ADAMTS6: variants seen among roughly 807,000 people sequenced by gnomAD.
ADAMTS6 encodes ADAM metallopeptidase with thrombospondin type 1 motif 6.
Under a neutral mutation model 144.3 loss-of-function variants are expected in ADAMTS6, and 23 were observed. The observed-to-expected ratio is 0.16, with a 90% CI of 0.11 to 0.23. The LOEUF is 0.23. Among genes scored for constraint, ADAMTS6 ranks in the 10% least tolerant of loss-of-function variants. ADAMTS6 has a pLI of 1.00. For missense variants in ADAMTS6, 999 were observed against 1,379.6 expected, an observed-to-expected ratio of 0.72 and a Z score of 4.37; for synonymous variants, 444 against 457.5, an observed-to-expected ratio of 0.97 and a Z score of 0.38.
chr5:65,443,349 T>A (rs1174894528), intron 7 of ADAMTS6, among the ~76,000 whole-genome samples: 1 of 152,068 alleles, frequency 6.6e-6, no homozygotes, highest in Admixed American at 6.6e-5. Flanking sequence ...CCAGGCACAG[T>A]GTGGCTCATG....
At chr5:65,172,196 C>T (rs1446633665) in intron 23 of ADAMTS6, among the ~76,000 whole-genome samples, 4 of 151,130 alleles carry the variant, frequency 2.6e-5, no homozygotes, top group East Asian at 3.9e-4. Flanking sequence ...GGGCGGATCA[C>T]GAGGTCAGGA....
intron 22 of ADAMTS6, 55 bp downstream of exon 22, chr5:65,187,961 G>C: frequency 6.4e-7 from 1 of 1,571,650 alleles, no homozygotes; most frequent in African/African-American, 1.3e-5. Context: ...AACTGCTTTA[G>C]GATAGATAGT....
chr5:65,183,063 T>C (rs1015070986), intron 22 of ADAMTS6, among the ~76,000 whole-genome samples: 30 of 152,338 alleles, frequency 2.0e-4, no homozygotes, highest in African/African-American at 6.3e-4. Context: ...GTTTAAAAAT[T>C]GCTTGTAAAA....
At chr5:65,446,256 A>G (rs901726212) in intron 7 of ADAMTS6, among the ~76,000 whole-genome samples, 1 of 152,218 alleles carries the variant, frequency 6.6e-6, no homozygotes, top group African/African-American at 2.4e-5. Flanking sequence ...TGATAAACAC[A>G]TTATTTAAAA....
At chr5:65,372,155 C>T (rs1751002640) in intron 7 of ADAMTS6, among the ~76,000 whole-genome samples, 1 of 144,792 alleles carries the variant, frequency 6.9e-6, no homozygotes, top group African/African-American at 2.8e-5. Flanking sequence ...CCGGTACCAG[C>T]CACTGCAAAA....
intron 3 of ADAMTS6, among the ~76,000 whole-genome samples, chr5:65,462,556 G>A (rs1411329739): frequency 1.3e-5 from 2 of 152,176 alleles, no homozygotes; most frequent in East Asian, 3.9e-4. Flanking sequence ...AACTGAGATG[G>A]AGCAACGTTA....
intron 9 of ADAMTS6, among the ~76,000 whole-genome samples, chr5:65,324,204 T>G (rs890715774): frequency 6.6e-6 from 1 of 152,194 alleles, no homozygotes; most frequent in Non-Finnish European, 1.5e-5. Context: ...ACCAACCAAC[T>G]TTTTAAAGCA....
intron 22 of ADAMTS6, among the ~76,000 whole-genome samples, chr5:65,181,152 T>C (rs1174984960): frequency 2.0e-5 from 3 of 152,246 alleles, no homozygotes; most frequent in Admixed American, 1.3e-4. Flanking sequence ...TGTCAGGCAC[T>C]GTACTATGTA....
At chr5:65,443,302 A>C (rs1385367642) in intron 7 of ADAMTS6, among the ~76,000 whole-genome samples, 1 of 152,156 alleles carries the variant, frequency 6.6e-6, no homozygotes, top group Non-Finnish European at 1.5e-5. Flanking sequence ...ATTGATGACC[A>C]AATTGAGTTC....
chr5:65,340,100 C>T (rs1246763173), intron 7 of ADAMTS6, among the ~76,000 whole-genome samples: 4 of 151,816 alleles, frequency 2.6e-5, no homozygotes, highest in African/African-American at 9.7e-5. Context: ...AAAGTCAAAG[C>T]AAAGAATTTT....
At chr5:65,316,793 G>A (rs1745043732) in intron 9 of ADAMTS6, among the ~76,000 whole-genome samples, 1 of 148,400 alleles carries the variant, frequency 6.7e-6, no homozygotes. Flanking sequence ...GATTCATCAA[G>A]AAGACATAAT....
intron 20 of ADAMTS6, among the ~76,000 whole-genome samples, chr5:65,203,970 T>C (rs1755910065): frequency 3.3e-5 from 5 of 152,192 alleles, no homozygotes; most frequent in Admixed American, 3.3e-4. Context: ...TGAATATGTA[T>C]CCAAACCCTG....
intron 7 of ADAMTS6, among the ~76,000 whole-genome samples, chr5:65,362,332 A>G (rs1019988652): frequency 6.6e-6 from 1 of 152,220 alleles, no homozygotes; most frequent in Admixed American, 6.5e-5. Context: ...CATATCGGCT[A>G]TCTCAACTTT....
intron 7 of ADAMTS6, among the ~76,000 whole-genome samples, chr5:65,343,212 C>T (rs1748015831): frequency 6.6e-6 from 1 of 151,982 alleles, no homozygotes; most frequent in African/African-American, 2.4e-5. Context: ...GTGTAAGAAA[C>T]CACAAAAGAC....
chr5:65,452,994 C>G, intron 4 of ADAMTS6, 76 bp from the exon 5 acceptor site: 1 of 1,123,868 alleles, frequency 8.9e-7, no homozygotes, highest in South Asian at 1.7e-5. Flanking sequence ...TGTAGACATG[C>G]TTCTCACAAA....
chr5:65,308,843 G>A (rs1297908142), intron 9 of ADAMTS6, among the ~76,000 whole-genome samples: 3 of 152,154 alleles, frequency 2.0e-5, no homozygotes, highest in African/African-American at 4.8e-5. Flanking sequence ...ATATAGGAAA[G>A]TAAAGAGTCA....
Position 65,150,619 on chromosome 5 carries a change from C to T in ADAMTS6, c.*1217G>A, listed in dbSNP as rs1244344045. 1 of 152,562 alleles carries T rather than the reference C, an allele frequency of 6.6e-6. No individual in the cohort carries two copies. The highest frequency in any genetic ancestry group is 1.5e-5 in the Non-Finnish European group (1 of 68,022). 9.5% of individuals were successfully genotyped at this position (152,562 alleles called of 1,614,324 possible). A position where few individuals can be genotyped will look rare whatever the true frequency, so the allele number is the denominator to read the frequency against. ...TGAAATTTTCTTCTTTGGTTATTAT[C>T]CCTTGCCTACTTTAAAACTCACAGA... On this transcript the variant is annotated 3_prime_UTR_variant, in exon 25 of 25. Transcript: ENST00000381055.
chr5:65,334,943 T>C lies in ADAMTS6; in HGVS notation c.1074-858A>G, dbSNP rs1479904374. Among the ~76,000 whole-genome samples, 3 of 152,284 alleles carry C rather than the reference T, an allele frequency of 2.0e-5. No individual in the cohort carries two copies. In the East Asian group the frequency reaches 5.8e-4, roughly 29 times the overall value. ...AAATGTAAAAGGCTAAAAATTTTTA[T>C]TTGCCTCTGTTTTATGCTAGAAGCG... On this transcript the variant is annotated intron_variant, in intron 7 of 24. Transcript: ENST00000381055.
At chr5:65,216,709 A>G (rs1386478363) in intron 18 of ADAMTS6, among the ~76,000 whole-genome samples, 3 of 152,058 alleles carry the variant, frequency 2.0e-5, no homozygotes, top group Non-Finnish European at 4.4e-5. Context: ...AAAAATTTCT[A>G]AGCATGACAA....
Sources: gnomAD v4.1 joint callset for allele counts (sites outside exome capture counted in the v4.1 genomes callset) on GRCh38, gnomAD v4.1.1 for gene constraint, MANE v1.5 for transcripts, NCBI Gene and HGNC (gene_info 2026-07-23, HGNC 2026-07-21) for gene names.